Variants in ZNF320 observed in about 807,000 individuals in gnomAD.
The protein encoded by ZNF320 is zinc finger protein 320.
In ZNF320, 2 loss-of-function variants were observed where a neutral mutation model predicts 6.8. That is an observed-to-expected ratio of 0.29 (90% CI 0.12 to 0.93). The LOEUF (loss-of-function observed/expected upper bound fraction) is 0.93. ZNF320 is among the 40% of genes least tolerant of loss of function. ZNF320 has a pLI of 0.55. For synonymous variants in ZNF320, 208 were observed against 203.2 expected (o/e 1.02, Z -0.20); for missense variants, 472 against 611.0 (o/e 0.77, Z 2.40).
rs2063808132 is a variant in ZNF320, at chr19:52,878,045, T to C, written c.*2551A>G. ...AAAAATACATTCTCAATAAAACATG[T>C]CCAACTCTCCAGATAGTGGTGACAT... On this transcript the variant is annotated 3_prime_UTR_variant, in exon 6 of 6. Transcript: ENST00000682928. The C allele has an allele frequency of 6.0e-6, 1 of 167,896 alleles. No individual in the cohort carries two copies. The highest frequency in any genetic ancestry group is 2.4e-5 in the African/African-American group (1 of 41,758). The allele number at this position is 167,896 out of a possible 1,614,324, so 10.4% of individuals were successfully genotyped here.
At position 52,887,732 on chromosome 19, in the gene ZNF320, G is replaced by A. The variant is rs1186619802; in HGVS notation, c.142+395C>T. On this transcript the variant is annotated intron_variant, in intron 5 of 5. Coordinates refer to ENST00000682928, the MANE Select transcript of ZNF320 (RefSeq NM_001351774.2). The stretch of plus-strand genomic sequence containing the variant: ...CTTTCTAGGAGCTGGGATTGCAGGT[G>A]TGCACCATGACGTCCGGCTAATTTT... 2.0e-5 allele frequency among the ~76,000 whole-genome samples: 3 copies of A among 152,114 alleles called. No individual in the cohort carries two copies. The East Asian group carries it at 5.8e-4, about 29-fold the overall frequency.
In ZNF320 at chr19:52,876,208, A is replaced by G. The variant is rs1247079400; in HGVS notation, c.*4388T>C. Reference sequence around the variant, plus strand: ...TTCAACTAAATTTTAATGTTAGCATAAAGAAAAAGTTCCTTGATATCTTTA... The same window carrying G: ...TTCAACTAAATTTTAATGTTAGCATGAAGAAAAAGTTCCTTGATATCTTTA... On this transcript the variant is annotated 3_prime_UTR_variant, in exon 6 of 6. Coordinates refer to ENST00000682928, the MANE Select transcript of ZNF320 (RefSeq NM_001351774.2). 2 of 152,236 alleles carry G rather than the reference A, an allele frequency of 1.3e-5. No homozygotes were observed. The highest frequency in any genetic ancestry group is 2.9e-5 in the Non-Finnish European group (2 of 68,046). The allele number at this position is 152,236 out of a possible 1,614,324, so 9.4% of individuals were successfully genotyped here.
chr19:52,889,602 A>C (rs2064221268), intron 4 of ZNF320, among the ~76,000 whole-genome samples: 1 of 152,184 alleles, frequency 6.6e-6, no homozygotes, highest in Non-Finnish European at 1.5e-5. Context: ...GGAACCCCAC[A>C]GTCTCCATGA....
At chr19:52,864,930 G>A (rs2063516981) in intron 5 of ZNF320, among the ~76,000 whole-genome samples, 1 of 151,946 alleles carries the variant, frequency 6.6e-6, no homozygotes, top group Non-Finnish European at 1.5e-5. Context: ...GAAGAATGGT[G>A]TGAACCTGGG....
At chr19:52,866,780 A>G (rs1019781548) in intron 5 of ZNF320, among the ~76,000 whole-genome samples, 1 of 151,758 alleles carries the variant, frequency 6.6e-6, no homozygotes, top group East Asian at 1.9e-4. Context: ...CGAGGCTAGA[A>G]AATCATTTGA....
At chr19:52,893,177 G>A (rs2064364339) in intron 2 of ZNF320, among the ~76,000 whole-genome samples, 1 of 151,936 alleles carries the variant, frequency 6.6e-6, no homozygotes, top group Admixed American at 6.6e-5. Context: ...ACACCTTCAT[G>A]TCAGAGGAGC....
chr19:52,863,894 A>G, exon 6 of ZNF320: 1 of 313,046 alleles, frequency 3.2e-6, no homozygotes, highest in Admixed American at 3.9e-5. Context: ...CATGCTGGGC[A>G]TGGTGGCACG....
chr19:52,861,826 C>A, exon 6 of ZNF320: 1 of 384,592 alleles, frequency 2.6e-6, no homozygotes. Context: ...AACCTTGTCA[C>A]ACTTATGACA....
At chr19:52,892,709 G>GC (rs2064337726) in intron 2 of ZNF320, among the ~76,000 whole-genome samples, 1 of 147,616 alleles carries the variant, frequency 6.8e-6, no homozygotes, top group South Asian at 2.1e-4. Context: ...TCCCATCTCT[G>GC]TGCATCCTCT....
intron 2 of ZNF320, among the ~76,000 whole-genome samples, chr19:52,892,836 G>A (rs12611319): frequency 0.58 from 86,520 of 149,540 alleles, 25,654 homozygotes; most frequent in African/African-American, 0.68. Context: ...CTTGCCACCA[G>A]CACCACTCTG....
At chr19:52,882,988 C>G (rs148125287) in intron 5 of ZNF320, among the ~76,000 whole-genome samples, 1 of 151,522 alleles carries the variant, frequency 6.6e-6, no homozygotes, top group Non-Finnish European at 1.5e-5. Context: ...ATAACTGTTA[C>G]AAAATTACCT....
intron 4 of ZNF320, among the ~76,000 whole-genome samples, chr19:52,889,596 C>T (rs1365143354): frequency 1.3e-5 from 2 of 152,156 alleles, no homozygotes; most frequent in Non-Finnish European, 2.9e-5. Context: ...TCCACAGGAA[C>T]CCCACAGTCT....
At chr19:52,864,243 G>T (rs146351493) in intron 5 of ZNF320, 1 of 163,100 alleles carries the variant, frequency 6.1e-6, no homozygotes, top group African/African-American at 2.4e-5. Context: ...ATTAAGTATC[G>T]ATTGGGCCAA....
chr19:52,901,710 A>G (rs1238181443), upstream of ZNF320, among the ~76,000 whole-genome samples: 1 of 152,150 alleles, frequency 6.6e-6, no homozygotes, highest in African/African-American at 2.4e-5. Context: ...TTAGCTAATG[A>G]TGTCTTTTGT....
At chr19:52,872,898 C>T (rs150588364), downstream of ZNF320, among the ~76,000 whole-genome samples, 7 of 152,258 alleles carry the variant, frequency 4.6e-5, no homozygotes, top group Non-Finnish European at 8.8e-5. Flanking sequence ...CAGGAAAACA[C>T]GTGAGCAAAG....
At chr19:52,873,736 A>G (rs1265229290), downstream of ZNF320, among the ~76,000 whole-genome samples, 4 of 152,100 alleles carry the variant, frequency 2.6e-5, no homozygotes, top group Non-Finnish European at 5.9e-5. Context: ...CATGGGGCCC[A>G]CACCCCATTT....
In ZNF320 at chr19:52,880,707, C is replaced by T; in HGVS notation, c.1419G>A (p.Gln473=). The change falls in exon 6 of 6, where the codon CAG becomes CAA. Residue 473 remains glutamine (Q), a synonymous_variant. Coordinates refer to ENST00000682928, the MANE Select transcript of ZNF320 (RefSeq NM_001351774.2). Reference sequence around the variant, plus strand: ...ACCTCAGACTAAAGACCTTGCCACACTGATGACATTTGTAAGATTTCTGTC... The same window carrying T: ...ACCTCAGACTAAAGACCTTGCCACATTGATGACATTTGTAAGATTTCTGTC... ...HTGQKSYKCH[Q]CGKVFSLRSL... The T allele has an allele frequency of 6.2e-7, 1 of 1,613,904 alleles. No homozygotes were observed. Among genetic ancestry groups the T allele is most frequent in the Admixed American group, 1.7e-5 (1 of 60,008 alleles).
chr19:52,902,706 CTAA>C, the ZNF320 span, among the ~76,000 whole-genome samples: 4 of 152,044 alleles, frequency 2.6e-5, no homozygotes, highest in African/African-American at 2.4e-5. Flanking sequence ...TAGTGTGTTA[CTAA>C]TGTTAAATTT....
chr19:52,861,307 G>T (rs570628409), exon 6 of ZNF320, among the ~76,000 whole-genome samples: 1 of 152,196 alleles, frequency 6.6e-6, no homozygotes, highest in African/African-American at 2.4e-5. Flanking sequence ...AATGTAAAGA[G>T]GTGAGACGTT....
Sources: allele counts gnomAD v4.1 joint callset (sites outside exome capture counted in the v4.1 genomes callset), GRCh38; gene constraint gnomAD v4.1.1; transcripts MANE v1.5; gene names NCBI Gene and HGNC (gene_info 2026-07-23, HGNC 2026-07-21).